The following LRMDA variants were observed in gnomAD, a reference collection of about 807,000 sequenced individuals.
The protein encoded by LRMDA is leucine-rich melanocyte differentiation-associated protein.
Under a neutral mutation model 29.8 loss-of-function variants are expected in LRMDA, and 18 were observed. That is an observed-to-expected ratio of 0.60 (90% CI 0.42 to 0.90). The LOEUF (loss-of-function observed/expected upper bound fraction) is 0.90, where lower values mean the gene tolerates loss of function less well. LRMDA is among the 40% of genes least tolerant of loss of function. The pLI, the probability that LRMDA is intolerant of heterozygous loss-of-function variation, is 0.00. For synonymous variants in LRMDA, 125 were observed against 109.4 expected, an observed-to-expected ratio of 1.14 and a Z score of -0.89; for missense variants, 273 against 273.9, an observed-to-expected ratio of 1.00 and a Z score of 0.02.
At position 75,792,357 on chromosome 10, in the gene LRMDA, C is replaced by T. The variant is rs542722673; in HGVS notation, c.132-243651C>T. On this transcript the variant is annotated intron_variant, in intron 2 of 6. Transcript: ENST00000611255. ...TTGGCTAACTGCAACCTCCGCCTCCCGGGTTCAAGTGATTCCCCTGCCTCA... is the reference window on the plus strand; with the variant it reads ...TTGGCTAACTGCAACCTCCGCCTCCTGGGTTCAAGTGATTCCCCTGCCTCA... Among the ~76,000 whole-genome samples, 9 of 152,156 alleles carry T rather than the reference C, an allele frequency of 5.9e-5. No individual in the cohort carries two copies. The South Asian group carries it at 1.9e-3, about 32-fold the overall frequency.
At chr10:75,646,467 A>G (rs1427901504) in intron 2 of LRMDA, among the ~76,000 whole-genome samples, 2 of 152,224 alleles carry the variant, frequency 1.3e-5, no homozygotes, top group Non-Finnish European at 2.9e-5. Context: ...ATGAAACGTC[A>G]AAATTCATGT....
chr10:76,523,207 C>T (rs1399426377), intron 6 of LRMDA, among the ~76,000 whole-genome samples: 1 of 151,962 alleles, frequency 6.6e-6, no homozygotes, highest in Non-Finnish European at 1.5e-5. Context: ...AGAAAAATTT[C>T]CCCCGTGTGC....
chr10:75,863,909 T>C (rs1462892481), intron 2 of LRMDA, among the ~76,000 whole-genome samples: 1 of 152,176 alleles, frequency 6.6e-6, no homozygotes. Context: ...TTTTTTAATG[T>C]TTTTAAATTT....
At chr10:76,143,419 G>A (rs1206201616) in intron 5 of LRMDA, among the ~76,000 whole-genome samples, 3 of 152,108 alleles carry the variant, frequency 2.0e-5, no homozygotes, top group Non-Finnish European at 4.4e-5. Flanking sequence ...TTGTGGTTTT[G>A]ATTTGCATTT....
rs1284272692 is a variant in LRMDA, at chr10:76,559,026, T to C, written c.*1738T>C. 2.0e-5 allele frequency: 3 copies of C among 152,214 alleles called. No homozygotes were observed. The highest frequency in any genetic ancestry group is 4.4e-5 in the Non-Finnish European group (3 of 68,042). 9.4% of individuals were successfully genotyped at this position (152,214 alleles called of 1,614,324 possible). A position where few individuals can be genotyped will look rare whatever the true frequency, so the allele number is the denominator to read the frequency against. ...GGAAAAATGCTTTAAATTATCTGCA[T>C]TTGGTCCCACCCTGGGTCATTGTTT... On this transcript the variant is annotated 3_prime_UTR_variant, in exon 7 of 7. Coordinates refer to ENST00000611255, the MANE Select transcript of LRMDA (RefSeq NM_001305581.2).
intron 6 of LRMDA, among the ~76,000 whole-genome samples, chr10:76,452,931 A>G (rs1202443168): frequency 6.6e-6 from 1 of 152,168 alleles, no homozygotes; most frequent in African/African-American, 2.4e-5. Context: ...TCTCTACTGG[A>G]CAGTAAACTT....
chr10:75,502,761 TTTA>T (rs1229969972), intron 2 of LRMDA, among the ~76,000 whole-genome samples: 1 of 152,200 alleles, frequency 6.6e-6, no homozygotes, highest in East Asian at 1.9e-4. Context: ...ATTTTTAACT[TTTA>T]TTTTAGGTTT....
At chr10:76,437,283 G>A (rs1486533092) in intron 6 of LRMDA, 2 of 152,134 alleles carry the variant, frequency 1.3e-5, no homozygotes, top group Non-Finnish European at 2.9e-5. Context: ...TTTTCTTCAA[G>A]TTAGAGAATT....
intron 2 of LRMDA, among the ~76,000 whole-genome samples, chr10:75,819,344 G>T (rs1391155984): frequency 1.2e-4 from 19 of 152,146 alleles, no homozygotes; most frequent in Non-Finnish European, 2.8e-4. Context: ...TGCTATTGGT[G>T]GTTGTGGGAA....
At chr10:76,261,741 C>T (rs1198268074) in intron 5 of LRMDA, among the ~76,000 whole-genome samples, 3 of 152,174 alleles carry the variant, frequency 2.0e-5, no homozygotes, top group Non-Finnish European at 4.4e-5. Context: ...TTGAAAGTCA[C>T]ATGTGCAAAC....
At chr10:75,611,091 G>A (rs1168243718) in intron 2 of LRMDA, among the ~76,000 whole-genome samples, 1 of 152,124 alleles carries the variant, frequency 6.6e-6, no homozygotes, top group Non-Finnish European at 1.5e-5. Flanking sequence ...CTCAGACAGG[G>A]GGAGCACAGG....
intron 2 of LRMDA, among the ~76,000 whole-genome samples, chr10:75,752,592 A>G (rs1010438379): frequency 2.0e-5 from 3 of 152,224 alleles, no homozygotes; most frequent in African/African-American, 7.2e-5. Flanking sequence ...TGGTGACATC[A>G]TGAAGGTGTA....
intron 5 of LRMDA, among the ~76,000 whole-genome samples, chr10:76,184,704 G>A (rs1162145471): frequency 6.6e-6 from 1 of 152,186 alleles, no homozygotes; most frequent in African/African-American, 2.4e-5. Context: ...TCAAGTATGT[G>A]TTGTGGATTG....
At chr10:75,789,023 T>A (rs117510911) in intron 2 of LRMDA, among the ~76,000 whole-genome samples, 2 of 152,218 alleles carry the variant, frequency 1.3e-5, no homozygotes, top group Non-Finnish European at 2.9e-5. Context: ...GCTTAACTCT[T>A]TATAAAGAAC....
Position 76,339,298 on chromosome 10 carries a change from TA to T in LRMDA, c.601+14815del, listed in dbSNP as rs547894278. 1.1e-3 allele frequency among the ~76,000 whole-genome samples: 152 copies of T among 142,054 alleles called. No individual in the cohort carries two copies. In the Middle Eastern group the frequency reaches 0.035, roughly 33 times the overall value. 93.2% of individuals were successfully genotyped at this position (142,054 alleles called of 152,430 possible). A position where few individuals can be genotyped will look rare whatever the true frequency, so the allele number is the denominator to read the frequency against. ...AAAAAAAAAAAAAAAGTAAAAGAGG[TA>T]AGAAAAAGAACTATAGACTACAGAA... is the stretch of plus-strand genomic sequence containing the variant. On this transcript the variant is annotated intron_variant, in intron 6 of 6. Coordinates refer to ENST00000611255, the MANE Select transcript of LRMDA (RefSeq NM_001305581.2).
chr10:75,945,056 AT>A (rs1232153577), intron 2 of LRMDA, among the ~76,000 whole-genome samples: 1 of 152,106 alleles, frequency 6.6e-6, no homozygotes, highest in Non-Finnish European at 1.5e-5. Flanking sequence ...CTAGTAATTT[AT>A]TGTTGTGTCC....
At chr10:75,667,255 C>T (rs1374380271) in intron 2 of LRMDA, among the ~76,000 whole-genome samples, 1 of 149,826 alleles carries the variant, frequency 6.7e-6, no homozygotes, top group Non-Finnish European at 1.5e-5. Context: ...ATTTTATGAA[C>T]ATAGGTTAAA....
chr10:75,668,773 C>T (rs1023198296), intron 2 of LRMDA, among the ~76,000 whole-genome samples: 6 of 152,108 alleles, frequency 3.9e-5, no homozygotes, highest in Non-Finnish European at 8.8e-5. Context: ...TTTCTTAGAG[C>T]GTTCTTGTGT....
intron 2 of LRMDA, among the ~76,000 whole-genome samples, chr10:75,487,238 A>C: frequency 6.6e-6 from 1 of 152,196 alleles, no homozygotes. Flanking sequence ...ATATATAGTT[A>C]TTTCAAATCA....
Sources: allele counts gnomAD v4.1 joint callset (sites outside exome capture counted in the v4.1 genomes callset), GRCh38; gene constraint gnomAD v4.1.1; transcripts MANE v1.5; gene names NCBI Gene and HGNC (gene_info 2026-07-23, HGNC 2026-07-21).